The following RNF121 variants were observed in gnomAD, a reference collection of about 807,000 sequenced individuals.
The protein encoded by RNF121 is E3 ubiquitin ligase RNF121.
Under a neutral mutation model 46.5 loss-of-function variants are expected in RNF121, and 21 were observed. That is an observed-to-expected ratio of 0.45 (90% CI 0.32 to 0.65). The LOEUF (loss-of-function observed/expected upper bound fraction) is 0.65. Ranked by LOEUF, RNF121 falls within the 30% of genes least tolerant of loss-of-function variation. RNF121 has a pLI of 0.04. For missense variants in RNF121, 346 were observed against 416.0 expected, an observed-to-expected ratio of 0.83 and a Z score of 1.46; for synonymous variants, 139 against 144.7, an observed-to-expected ratio of 0.96 and a Z score of 0.28.
intron 3 of RNF121, among the ~76,000 whole-genome samples, chr11:71,961,097 C>T (rs2094435266): frequency 1.3e-5 from 2 of 152,134 alleles, no homozygotes; most frequent in Admixed American, 6.5e-5. Context: ...GAACATAAGA[C>T]TATGTTCATA....
At chr11:71,960,962 C>T (rs975950743) in intron 3 of RNF121, 71 bp downstream of exon 3, 37 of 1,530,004 alleles carry the variant, frequency 2.4e-5, no homozygotes, top group Non-Finnish European at 3.3e-5. Flanking sequence ...TTCTAGGTCC[C>T]AGCCTAACCC....
chr11:71,996,013 G>A (rs1954967658), intron 8 of RNF121, among the ~76,000 whole-genome samples, 182 bp from the exon 9 acceptor site: 1 of 152,178 alleles, frequency 6.6e-6, no homozygotes, highest in Non-Finnish European at 1.5e-5. Context: ...AGGAGGGGGA[G>A]GGCAAAGTTG....
chr11:71,972,455 CT>C (rs1347016561), intron 3 of RNF121, among the ~76,000 whole-genome samples: 1 of 152,176 alleles, frequency 6.6e-6, no homozygotes, highest in Non-Finnish European at 1.5e-5. Flanking sequence ...ACTTTTTGTC[CT>C]TCACTAGTGC....
At position 71,987,072 on chromosome 11, in the gene RNF121, C is replaced by G. The variant is rs868704947; in HGVS notation, c.467C>G (p.Ala156Gly). 1.9e-6 allele frequency: 3 copies of G among 1,613,524 alleles called. No homozygotes were observed. Among genetic ancestry groups the G allele is most frequent in the Non-Finnish European group, 2.5e-6 (3 of 1,179,606 alleles). The change falls in exon 5 of 9, where the codon GCT (alanine) becomes GGT (glycine). Residue 156 changes from alanine to glycine, a missense_variant. By Grantham distance (60) the Ala-to-Gly change is moderately conservative. Coordinates refer to ENST00000361756, the MANE Select transcript of RNF121 (RefSeq NM_018320.5). ...GCCACTGGCATTGTTGGCTACATGG[C>G]TGTCATGTTTACCCTCTTTGGTCTT... ...SYATGIVGYMAVMFTLFGLNL... is the reference protein window; with the variant it reads ...SYATGIVGYMGVMFTLFGLNL...
At chr11:71,946,768 A>C (rs1434823816) in intron 1 of RNF121, among the ~76,000 whole-genome samples, 1 of 150,304 alleles carries the variant, frequency 6.7e-6, no homozygotes, top group Admixed American at 6.6e-5. Context: ...GCTGGAGTGC[A>C]GTGGTGCAGT....
At chr11:71,944,882 C>T (rs912526202) in intron 1 of RNF121, among the ~76,000 whole-genome samples, 3 of 152,222 alleles carry the variant, frequency 2.0e-5, no homozygotes, top group Non-Finnish European at 4.4e-5. Context: ...CCTAAATCTT[C>T]CTTCAGTCCT....
At chr11:71,993,511 TCATC>T (rs2134221374) in intron 6 of RNF121, among the ~76,000 whole-genome samples, 1 of 152,320 alleles carries the variant, frequency 6.6e-6, no homozygotes, top group South Asian at 2.1e-4. Context: ...TTTTCAGAGT[TCATC>T]CATGTATAGA....
At position 71,996,368 on chromosome 11, in the gene RNF121, A is replaced by T; in HGVS notation, c.*53A>T. ...CCCCACACGCCATGGACCTCAGGGCACTCTCCTCCCTGCCCACAAAGACCT... is the reference window on the plus strand; with the variant it reads ...CCCCACACGCCATGGACCTCAGGGCTCTCTCCTCCCTGCCCACAAAGACCT... On this transcript the variant is annotated 3_prime_UTR_variant, in exon 9 of 9. Coordinates refer to ENST00000361756, the MANE Select transcript of RNF121 (RefSeq NM_018320.5). 6.3e-7 allele frequency: 1 copy of T among 1,595,690 alleles called. No homozygotes were observed. The highest frequency in any genetic ancestry group is 1.1e-5 in the South Asian group (1 of 88,828).
intron 1 of RNF121, among the ~76,000 whole-genome samples, chr11:71,949,630 C>A (rs1425952467): frequency 1.3e-5 from 2 of 151,874 alleles, no homozygotes; most frequent in Admixed American, 6.6e-5. Context: ...GCAGAAGAAT[C>A]GCTTGAACCC....
At chr11:71,943,230 A>C (rs1953629396) in intron 1 of RNF121, among the ~76,000 whole-genome samples, 1 of 152,236 alleles carries the variant, frequency 6.6e-6, no homozygotes, top group Non-Finnish European at 1.5e-5. Flanking sequence ...TATGTGATGT[A>C]AGGGAAAGAA....
intron 3 of RNF121, among the ~76,000 whole-genome samples, chr11:71,976,823 G>A (rs1227132457): frequency 1.3e-5 from 2 of 152,030 alleles, no homozygotes; most frequent in African/African-American, 2.4e-5. Context: ...TGGTAGTTAG[G>A]TTTCATTTTG....
At chr11:71,938,019 G>A (rs1451336262) in intron 1 of RNF121, among the ~76,000 whole-genome samples, 2 of 152,198 alleles carry the variant, frequency 1.3e-5, no homozygotes, top group African/African-American at 4.8e-5. Flanking sequence ...GCCCTGGGCA[G>A]CTAGGGAGAG....
intron 3 of RNF121, among the ~76,000 whole-genome samples, chr11:71,979,580 C>A (rs1295526114): frequency 6.6e-6 from 1 of 152,192 alleles, no homozygotes; most frequent in Non-Finnish European, 1.5e-5. Context: ...TTCCTCATGC[C>A]CCGACTTACT....
chr11:71,929,340 G>A (rs1198606197), intron 1 of RNF121, among the ~76,000 whole-genome samples: 1 of 151,874 alleles, frequency 6.6e-6, no homozygotes, highest in Non-Finnish European at 1.5e-5. Flanking sequence ...TAGCCTCAAG[G>A]GTGAAGATGG....
chr11:71,953,681 A>G (rs1590784107), intron 1 of RNF121, among the ~76,000 whole-genome samples: 2 of 152,214 alleles, frequency 1.3e-5, no homozygotes, highest in Non-Finnish European at 2.9e-5. Context: ...TAAAGAGCCT[A>G]CTAGAGACCA....
chr11:71,993,894 G>A (rs1954916244), intron 6 of RNF121, among the ~76,000 whole-genome samples: 1 of 147,680 alleles, frequency 6.8e-6, no homozygotes, highest in Non-Finnish European at 1.5e-5. Context: ...AGGCTGGAGT[G>A]CAGTGGTGCG....
intron 2 of RNF121, among the ~76,000 whole-genome samples, chr11:71,959,092 G>A (rs959966337): frequency 5.3e-5 from 8 of 152,324 alleles, no homozygotes; most frequent in South Asian, 2.1e-4. Context: ...ATATACAGAT[G>A]TGAGGTTAAT....
intron 6 of RNF121, among the ~76,000 whole-genome samples, chr11:71,992,298 G>GAC (rs1182581689): frequency 6.6e-6 from 1 of 152,212 alleles, no homozygotes. Flanking sequence ...AACAGCCACT[G>GAC]TCACTTACTG....
At chr11:71,932,018 G>A (rs929185764) in intron 1 of RNF121, among the ~76,000 whole-genome samples, 1 of 152,184 alleles carries the variant, frequency 6.6e-6, no homozygotes, top group African/African-American at 2.4e-5. Context: ...GATGCCATTA[G>A]CATGATACGT....
Sources: gnomAD v4.1 joint callset for allele counts (sites outside exome capture counted in the v4.1 genomes callset) on GRCh38, gnomAD v4.1.1 for gene constraint, MANE v1.5 for transcripts, NCBI Gene and HGNC (gene_info 2026-07-23, HGNC 2026-07-21) for gene names.